ACTA2: variants seen among roughly 807,000 people sequenced by gnomAD.
The protein encoded by ACTA2 is actin, aortic smooth muscle.
In ACTA2, 12 loss-of-function variants were observed where a neutral mutation model predicts 39.5. That is an observed-to-expected ratio of 0.30 (90% CI 0.19 to 0.49). The LOEUF (loss-of-function observed/expected upper bound fraction) is 0.49, where lower values mean the gene tolerates loss of function less well. ACTA2 is among the 20% of genes least tolerant of loss of function. The pLI is 0.99. For synonymous variants in ACTA2, 158 were observed against 180.6 expected (o/e 0.88, Z 1.00); for missense variants, 236 against 498.8 (o/e 0.47, Z 5.02).
chr10:88,973,262 A>T (rs543823339), intron 1 of ACTA2: 41 of 1,612,578 alleles, frequency 2.5e-5, no homozygotes, highest in Non-Finnish European at 3.4e-5. Flanking sequence ...GACCAAATGG[A>T]TTCCCACTCT....
Position 88,990,210 on chromosome 10 carries a change from G to C in ACTA2, c.-24+729C>G, listed in dbSNP as rs923192362. ...ATGGTTAACTGTCCATTCCAGAAAC[G>C]TCTGTGAGCCTCTCATGTTGCAGCC... On this transcript the variant is annotated intron_variant, in intron 1 of 4. Transcript: ENST00000415557. The surrounding 1 kb of genome is among the most constrained non-coding windows in gnomAD (Gnocchi z 4.9). 3.3e-5 allele frequency among the ~76,000 whole-genome samples: 5 copies of C among 152,196 alleles called. No individual in the cohort carries two copies. Among genetic ancestry groups the C allele is most frequent in the African/African-American group, 1.2e-4 (5 of 41,436 alleles).
intron 1 of ACTA2, among the ~76,000 whole-genome samples, chr10:88,977,605 T>G (rs1425614347): frequency 6.8e-6 from 1 of 147,416 alleles, no homozygotes; most frequent in East Asian, 2.0e-4. Context: ...AACAGACACT[T>G]CTCAAAAGAA....
chr10:88,939,857 T>C, intron 6 of ACTA2, 159 bp from the exon 7 acceptor site: 1 of 745,148 alleles, frequency 1.3e-6, no homozygotes, highest in Non-Finnish European at 2.3e-6. Flanking sequence ...AATGACGTAG[T>C]AGGGCCACCA....
intron 1 of ACTA2, chr10:88,973,353 C>A: frequency 6.7e-7 from 1 of 1,483,836 alleles, no homozygotes; most frequent in African/African-American, 1.4e-5. Flanking sequence ...ATTAGGTAAT[C>A]CAAGAATTGC....
At chr10:88,944,622 G>A (rs534600731) in intron 3 of ACTA2, among the ~76,000 whole-genome samples, 21 of 152,344 alleles carry the variant, frequency 1.4e-4, no homozygotes, top group South Asian at 4.1e-4. Flanking sequence ...CTCGAGGGAT[G>A]AGAAAAGCTT....
chr10:88,981,366 G>C (rs1424147136), intron 1 of ACTA2, among the ~76,000 whole-genome samples: 2 of 143,800 alleles, frequency 1.4e-5, no homozygotes, highest in Non-Finnish European at 3.0e-5. Context: ...TTAACCATCG[G>C]GTTAAGAGAG....
intron 3 of ACTA2, among the ~76,000 whole-genome samples, chr10:88,945,517 T>C (rs1043320770): frequency 6.6e-6 from 1 of 151,996 alleles, no homozygotes; most frequent in African/African-American, 2.4e-5. Context: ...TTTCTCATTA[T>C]TTCTTCTGTT....
intron 1 of ACTA2, among the ~76,000 whole-genome samples, chr10:88,964,913 G>A (rs1846294207): frequency 6.6e-6 from 1 of 152,022 alleles, no homozygotes; most frequent in Non-Finnish European, 1.5e-5. Context: ...CTGCTCCTTT[G>A]CAACTTTCAC....
intron 1 of ACTA2, among the ~76,000 whole-genome samples, chr10:88,989,879 G>T (rs530984808): frequency 2.0e-5 from 3 of 152,302 alleles, no homozygotes; most frequent in African/African-American, 7.2e-5. Context: ...CAGTAATGAT[G>T]TCATTATCCA....
Position 88,941,396 on chromosome 10 carries a change from A to G in ACTA2, c.455-6T>C. 4 of 1,613,832 alleles carry G rather than the reference A, an allele frequency of 2.5e-6. No homozygotes were observed. Among genetic ancestry groups the G allele is most frequent in the Non-Finnish European group, 3.4e-6 (4 of 1,179,906 alleles). On this transcript the variant is annotated splice_polypyrimidine_tract_variant and splice_region_variant and intron_variant, in intron 5 of 8. Coordinates refer to ENST00000224784, the MANE Select transcript of ACTA2 (RefSeq NM_001613.4). ...TCCAGAGTCCAGCACGATGCCTGGG[A>G]GACAATTGGGCGTGATAAGTCACCA...
intron 1 of ACTA2, among the ~76,000 whole-genome samples, chr10:88,951,315 T>G (rs1259427106): frequency 6.6e-6 from 1 of 152,124 alleles, no homozygotes; most frequent in African/African-American, 2.4e-5. Flanking sequence ...GAAAAGAGGA[T>G]AAAACATTTC....
upstream of ACTA2, among the ~76,000 whole-genome samples, chr10:88,956,498 A>T (rs1304007488): frequency 2.6e-5 from 4 of 152,162 alleles, no homozygotes; most frequent in Non-Finnish European, 5.9e-5. Context: ...TAATCTTCCC[A>T]TTTTAAGATT....
chr10:88,971,493 G>A (rs1443845925), intron 1 of ACTA2, among the ~76,000 whole-genome samples: 1 of 152,220 alleles, frequency 6.6e-6, no homozygotes, highest in Non-Finnish European at 1.5e-5. Context: ...AGAATGAGTG[G>A]CAGACATATT....
At chr10:88,984,300 G>A (rs1162474772) in intron 1 of ACTA2, among the ~76,000 whole-genome samples, 1 of 152,090 alleles carries the variant, frequency 6.6e-6, no homozygotes, top group Non-Finnish European at 1.5e-5. Context: ...GGCTGTTGTA[G>A]AGAAGAGTCT....
rs769901149 is a variant in ACTA2, at chr10:88,939,481, C to T, written c.808+26G>A. ...TGGAAGAAGACAATGACTCCCCTTC[C>T]CAGGAAAAGGGCGTTTGTTGCCTAC... On this transcript the variant is annotated intron_variant, in intron 7 of 8. Transcript: ENST00000224784. 8.7e-6 allele frequency: 14 copies of T among 1,612,052 alleles called. No individual in the cohort carries two copies. The East Asian group carries it at 1.3e-4, about 15-fold the overall frequency.
chr10:88,953,572 GC>G (rs1846086148), upstream of ACTA2, among the ~76,000 whole-genome samples: 1 of 152,282 alleles, frequency 6.6e-6, no homozygotes, highest in South Asian at 2.1e-4. Context: ...AGCCTCTGTA[GC>G]CCTCCTCTCT....
chr10:88,964,171 G>T (rs961174294), intron 1 of ACTA2, among the ~76,000 whole-genome samples: 2 of 151,558 alleles, frequency 1.3e-5, no homozygotes, highest in African/African-American at 2.4e-5. Flanking sequence ...GCATTGTATG[G>T]GAGGAAAAAA....
chr10:88,989,939 G>A (rs1847065671), intron 1 of ACTA2, among the ~76,000 whole-genome samples: 1 of 152,108 alleles, frequency 6.6e-6, no homozygotes, highest in South Asian at 2.1e-4. Context: ...GCTATCTACC[G>A]TTCCAAAGCA....
intron 1 of ACTA2, chr10:88,989,635 A>T: frequency 9.7e-6 from 5 of 516,398 alleles, no homozygotes; most frequent in South Asian, 7.2e-5. Flanking sequence ...CAGGAGGGTA[A>T]CCTAACCTAG....
Sources: gnomAD v4.1 joint callset for allele counts (sites outside exome capture counted in the v4.1 genomes callset) on GRCh38, gnomAD v4.1.1 for gene constraint, Gnocchi (gnomAD v3.1) non-coding constraint, MANE v1.5 for transcripts, NCBI Gene and HGNC (gene_info 2026-07-23, HGNC 2026-07-21) for gene names.